ZNF804B: variants seen among roughly 807,000 people sequenced by gnomAD.
The protein encoded by ZNF804B is zinc finger protein 804B, also known as zinc finger 804B.
ZNF804B carries 80 observed loss-of-function variants against 101.4 expected under a neutral mutation model. That is an observed-to-expected ratio of 0.79 (90% confidence interval 0.66 to 0.95). The LOEUF (loss-of-function observed/expected upper bound fraction) is 0.95. Ranked by LOEUF, ZNF804B falls within the 40% of genes least tolerant of loss-of-function variation. The pLI is 0.00. For synonymous variants in ZNF804B, 622 were observed against 558.8 expected, an observed-to-expected ratio of 1.11 and a Z score of -1.59; for missense variants, 1,673 against 1,561.9, an observed-to-expected ratio of 1.07 and a Z score of -1.20.
intron 1 of ZNF804B, among the ~76,000 whole-genome samples, chr7:89,165,760 C>A (rs13230201): frequency 0.41 from 61,638 of 151,674 alleles, 13,087 homozygotes; most frequent in Non-Finnish European, 0.47. Context: ...AATTAAAAGG[C>A]AACTTCAACT....
chr7:88,970,830 A>C (rs1439897244), intron 1 of ZNF804B, among the ~76,000 whole-genome samples: 2 of 49,128 alleles, frequency 4.1e-5, no homozygotes, highest in Non-Finnish European at 3.7e-5. Flanking sequence ...GGGTGGGGGG[A>C]GGGGGGAGGG....
chr7:88,876,859 C>T (rs1347267847), intron 1 of ZNF804B, among the ~76,000 whole-genome samples: 1 of 150,270 alleles, frequency 6.7e-6, no homozygotes, highest in African/African-American at 2.5e-5. Context: ...ATAAAATATA[C>T]ACCACTTAAA....
intron 2 of ZNF804B, among the ~76,000 whole-genome samples, chr7:89,282,150 G>A (rs6967912): frequency 0.066 from 9,561 of 145,110 alleles, 342 homozygotes; most frequent in South Asian, 0.11. Context: ...GCAGTGAGCC[G>A]AGATCCCGCC....
chr7:89,101,581 A>C (rs968443066), intron 1 of ZNF804B, among the ~76,000 whole-genome samples: 1 of 152,030 alleles, frequency 6.6e-6, no homozygotes, highest in African/African-American at 2.4e-5. Context: ...AAAGCATACA[A>C]AATTTTACTA....
Position 89,333,531 on chromosome 7 carries a change from C to T in ZNF804B, c.549C>T (p.Ser183=), listed in dbSNP as rs952466840. ...GAATCATATCCGATAAACAGCGGTC[C>T]ACCATGCCAAATCGACACCAATTAC... ...LPRIISDKQR[S]TMPNRHQLQS... The change falls in exon 4 of 4, where the codon TCC becomes TCT. Residue 183 remains serine (S), a synonymous_variant. Coordinates refer to ENST00000333190, the MANE Select transcript of ZNF804B (RefSeq NM_181646.5). 1.2e-6 allele frequency: 2 copies of T among 1,613,478 alleles called. No homozygotes were observed.
rs1179830128 is a variant in ZNF804B at position 89,220,084 on chromosome 7, T to TATATACGCACATATATGTGTATATAC, written c.249+1794_249+1795insCGCACATATATGTGTATATACATATA. 6.1e-3 allele frequency among the ~76,000 whole-genome samples: 171 copies of TATATACGCACATATATGTGTATATAC among 28,090 alleles called. 20 individuals carry two copies. The highest frequency in any genetic ancestry group is 0.023 in the African/African-American group (167 of 7,350). 18.4% of individuals were successfully genotyped at this position (28,090 alleles called of 152,430 possible). ...ATACGCACATATATGTGTATATACA[T>TATATACGCACATATATGTGTATATAC]ATATATACGCACATATATATGTGTG... On this transcript the variant is annotated intron_variant, in intron 2 of 3. Coordinates refer to ENST00000333190, the MANE Select transcript of ZNF804B (RefSeq NM_181646.5).
chr7:88,956,761 T>G (rs1793316290), intron 1 of ZNF804B, among the ~76,000 whole-genome samples: 1 of 151,452 alleles, frequency 6.6e-6, no homozygotes. Context: ...TATAAAATGT[T>G]ATCTCATACT....
intron 1 of ZNF804B, among the ~76,000 whole-genome samples, chr7:88,855,886 G>T (rs375514261): frequency 6.6e-6 from 1 of 151,982 alleles, no homozygotes; most frequent in African/African-American, 2.4e-5. Context: ...GCTTGTTTTT[G>T]TCAGGTTTGT....
Position 89,193,521 on chromosome 7 carries a change from T to A in ZNF804B, c.109-24634T>A, listed in dbSNP as rs1430631518. Among the ~76,000 whole-genome samples, 5 of 142,256 alleles carry A rather than the reference T, an allele frequency of 3.5e-5. No homozygotes were observed. The South Asian group carries it at 9.1e-4, about 26-fold the overall frequency. The allele number at this position is 142,256 out of a possible 152,430, so 93.3% of individuals were successfully genotyped here. On this transcript the variant is annotated intron_variant, in intron 1 of 3. Coordinates refer to ENST00000333190, the MANE Select transcript of ZNF804B (RefSeq NM_181646.5). Reference sequence around the variant, plus strand: ...TGTTCCCCTTCATGTGTCCATTTGTTCTCATTGTTCAATTCCCACCTATGA... The same window carrying A: ...TGTTCCCCTTCATGTGTCCATTTGTACTCATTGTTCAATTCCCACCTATGA...
intron 1 of ZNF804B, among the ~76,000 whole-genome samples, chr7:89,171,396 T>C (rs1791232443): frequency 1.7e-5 from 2 of 118,590 alleles, no homozygotes; most frequent in African/African-American, 6.3e-5. Flanking sequence ...CTCTTCTTCC[T>C]CTTCTTCTTC....
At chr7:89,219,592 A>G (rs1337609306) in intron 2 of ZNF804B, among the ~76,000 whole-genome samples, 1 of 151,558 alleles carries the variant, frequency 6.6e-6, no homozygotes, top group East Asian at 1.9e-4. Flanking sequence ...ATCCTTGCTG[A>G]TTGAGGTATG....
chr7:88,776,553 GTGTTT>G (rs925086529), intron 1 of ZNF804B, among the ~76,000 whole-genome samples: 2 of 79,486 alleles, frequency 2.5e-5, no homozygotes, highest in African/African-American at 2.0e-4. Context: ...ATTTCTCGTG[GTGTTT>G]TGTTTTTTTT....
chr7:89,044,789 G>T (rs1348957028), intron 1 of ZNF804B, among the ~76,000 whole-genome samples: 1 of 152,160 alleles, frequency 6.6e-6, no homozygotes, highest in Non-Finnish European at 1.5e-5. Context: ...TATTCAAGAA[G>T]AAGCAGAGAA....
chr7:88,889,906 A>C (rs907694165), intron 1 of ZNF804B, among the ~76,000 whole-genome samples: 1 of 152,092 alleles, frequency 6.6e-6, no homozygotes, highest in African/African-American at 2.4e-5. Context: ...TTATAATTTG[A>C]GGTCTGACAT....
intron 1 of ZNF804B, among the ~76,000 whole-genome samples, chr7:88,857,192 A>G (rs1449514666): frequency 8.5e-5 from 13 of 152,050 alleles, no homozygotes; most frequent in Non-Finnish European, 1.5e-4. Flanking sequence ...TAACATCACA[A>G]TTAAAAGAAC....
intron 1 of ZNF804B, among the ~76,000 whole-genome samples, chr7:89,198,751 A>T (rs1402959379): frequency 6.6e-6 from 1 of 151,934 alleles, no homozygotes; most frequent in Non-Finnish European, 1.5e-5. Flanking sequence ...CAATAACAAA[A>T]ACAAGTACAG....
chr7:89,294,608 T>C (rs866137501), intron 2 of ZNF804B, among the ~76,000 whole-genome samples: 3 of 152,098 alleles, frequency 2.0e-5, no homozygotes, highest in Admixed American at 6.6e-5. Context: ...TCCTCAATGC[T>C]TCCCTTCTGT....
chr7:89,323,856 T>G (rs1185104027), intron 2 of ZNF804B, among the ~76,000 whole-genome samples: 1 of 152,094 alleles, frequency 6.6e-6, no homozygotes, highest in African/African-American at 2.4e-5. Flanking sequence ...TCAAAGAACA[T>G]TTTCCTTCCA....
intron 1 of ZNF804B, among the ~76,000 whole-genome samples, chr7:88,815,460 A>G (rs1790861063): frequency 6.7e-6 from 1 of 149,540 alleles, no homozygotes. Context: ...ACTATATGTT[A>G]GGTATGTTAT....
Sources: gnomAD v4.1 joint callset for allele counts (sites outside exome capture counted in the v4.1 genomes callset) on GRCh38, gnomAD v4.1.1 for gene constraint, MANE v1.5 for transcripts, NCBI Gene and HGNC (gene_info 2026-07-23, HGNC 2026-07-21) for gene names.